Variants in GALNTL6 observed in about 807,000 individuals in gnomAD.
GALNTL6 encodes polypeptide N-acetylgalactosaminyltransferase-like 6.
A neutral mutation model predicts 73.7 loss-of-function variants in GALNTL6; 46 were observed. That is an observed-to-expected ratio of 0.62 (90% confidence interval 0.49 to 0.80). The LOEUF (loss-of-function observed/expected upper bound fraction) is 0.80. Ranked by LOEUF, GALNTL6 falls within the 30% of genes least tolerant of loss-of-function variation. GALNTL6 has a pLI of 0.00. For synonymous variants in GALNTL6, 259 were observed against 263.7 expected, an observed-to-expected ratio of 0.98 and a Z score of 0.17; for missense variants, 604 against 755.0, an observed-to-expected ratio of 0.80 and a Z score of 2.34.
At chr4:171,919,059 T>G (rs1167418271) in intron 2 of GALNTL6, among the ~76,000 whole-genome samples, 1 of 152,222 alleles carries the variant, frequency 6.6e-6, no homozygotes. Context: ...AAGCTCTAGA[T>G]GTCTGGTGTA....
intron 3 of GALNTL6, among the ~76,000 whole-genome samples, chr4:172,267,215 A>G (rs1052702708): frequency 7.9e-5 from 12 of 152,274 alleles, no homozygotes; most frequent in Admixed American, 6.6e-4. Flanking sequence ...TACAAATGCT[A>G]TAACAGAGCT....
rs571933931 is a variant in GALNTL6 at position 172,555,459 on chromosome 4, G to A, written c.553+206770G>A. 6.6e-5 allele frequency among the ~76,000 whole-genome samples: 10 copies of A among 152,108 alleles called. No homozygotes were observed. The South Asian group carries it at 1.9e-3, about 28-fold the overall frequency. Reference sequence around the variant, plus strand: ...TTGTTATCTCAATTCTACAAATGAAGTAACTGAGGTACAGAAACAGGGACA... The same window carrying A: ...TTGTTATCTCAATTCTACAAATGAAATAACTGAGGTACAGAAACAGGGACA... On this transcript the variant is annotated intron_variant, in intron 5 of 12. Transcript: ENST00000506823.
intron 8 of GALNTL6, among the ~76,000 whole-genome samples, chr4:172,921,793 C>CA (rs370693087): frequency 0.023 from 1,352 of 58,192 alleles, 7 homozygotes; most frequent in Middle Eastern, 0.07. Context: ...GACCTTGTCT[C>CA]AAAAAAAAAA....
At chr4:171,968,163 C>T (rs1451952161) in intron 2 of GALNTL6, among the ~76,000 whole-genome samples, 6 of 151,676 alleles carry the variant, frequency 4.0e-5, no homozygotes, top group Non-Finnish European at 8.8e-5. Context: ...TTTTTAATGC[C>T]GGAATGCCCC....
chr4:172,583,592 C>CA (rs1467133609), intron 5 of GALNTL6, among the ~76,000 whole-genome samples: 3 of 152,056 alleles, frequency 2.0e-5, no homozygotes, highest in Non-Finnish European at 4.4e-5. Flanking sequence ...CTGTACTGAA[C>CA]AGTGTAAGTT....
chr4:172,563,064 C>T (rs1018499478), intron 5 of GALNTL6, among the ~76,000 whole-genome samples: 2 of 152,128 alleles, frequency 1.3e-5, no homozygotes, highest in Admixed American at 6.5e-5. Context: ...CTGAGCTTTC[C>T]GTGATCCTAC....
intron 2 of GALNTL6, among the ~76,000 whole-genome samples, chr4:172,217,916 A>C (rs1736546240): frequency 6.6e-6 from 1 of 152,014 alleles, no homozygotes; most frequent in Admixed American, 6.6e-5. Context: ...GGTGTCAAAA[A>C]CTGAGTTCTA....
chr4:172,455,171 C>G (rs1392310279), intron 5 of GALNTL6, among the ~76,000 whole-genome samples: 2 of 152,184 alleles, frequency 1.3e-5, no homozygotes, highest in Non-Finnish European at 2.9e-5. Flanking sequence ...GAACAGTGCA[C>G]TTTGGCCCAG....
At chr4:171,970,070 C>T (rs928775558) in intron 2 of GALNTL6, among the ~76,000 whole-genome samples, 2 of 152,124 alleles carry the variant, frequency 1.3e-5, no homozygotes, top group African/African-American at 4.8e-5. Flanking sequence ...TGCATCAGGC[C>T]CAAACCACCT....
intron 2 of GALNTL6, among the ~76,000 whole-genome samples, chr4:172,168,830 T>C (rs760136776): frequency 1.3e-4 from 20 of 152,192 alleles, no homozygotes; most frequent in Non-Finnish European, 2.6e-4. Flanking sequence ...TGCCTACAAA[T>C]ATTTTCGATG....
At chr4:172,870,134 C>T (rs1744852933) in intron 7 of GALNTL6, among the ~76,000 whole-genome samples, 1 of 152,060 alleles carries the variant, frequency 6.6e-6, no homozygotes. Context: ...GTACCCCTAA[C>T]TATTTTCCCT....
At chr4:173,022,853 C>T (rs1188400232) in intron 12 of GALNTL6, among the ~76,000 whole-genome samples, 2 of 152,048 alleles carry the variant, frequency 1.3e-5, no homozygotes, top group African/African-American at 4.8e-5. Flanking sequence ...TTATTGTTTC[C>T]TTTTGACAAC....
intron 12 of GALNTL6, among the ~76,000 whole-genome samples, chr4:173,031,144 A>G (rs926775890): frequency 1.3e-5 from 2 of 152,138 alleles, no homozygotes; most frequent in African/African-American, 4.8e-5. Flanking sequence ...CTGTTTCTTC[A>G]TTTATAAAAT....
chr4:171,963,220 T>C (rs186721), intron 2 of GALNTL6, among the ~76,000 whole-genome samples: 149,149 of 152,208 alleles, frequency 0.98, 73,153 homozygotes, highest in Middle Eastern at 1. Flanking sequence ...TCATTTTATT[T>C]GTGCCATTAA....
intron 3 of GALNTL6, among the ~76,000 whole-genome samples, chr4:172,286,138 C>G (rs184018125): frequency 6.6e-6 from 1 of 152,040 alleles, no homozygotes; most frequent in African/African-American, 2.4e-5. Context: ...GATTATTGTA[C>G]GTAGTATTAT....
intron 5 of GALNTL6, among the ~76,000 whole-genome samples, chr4:172,742,478 C>T (rs1736863116): frequency 6.6e-6 from 1 of 150,542 alleles, no homozygotes; most frequent in South Asian, 2.1e-4. Context: ...CTGTTTCATA[C>T]TGAACACAAT....
chr4:172,837,883 T>TA (rs1447465215), intron 7 of GALNTL6, among the ~76,000 whole-genome samples: 1 of 152,208 alleles, frequency 6.6e-6, no homozygotes, highest in Non-Finnish European at 1.5e-5. Flanking sequence ...TGAGTATATT[T>TA]ATCCTCTGTA....
chr4:171,946,370 A>G (rs1013632930), intron 2 of GALNTL6, among the ~76,000 whole-genome samples: 3 of 152,300 alleles, frequency 2.0e-5, no homozygotes, highest in South Asian at 2.1e-4. Context: ...CTGTGACAAT[A>G]TTGTCTAGTT....
chr4:171,949,000 C>A (rs1394461058), intron 2 of GALNTL6, among the ~76,000 whole-genome samples: 1 of 151,992 alleles, frequency 6.6e-6, no homozygotes, highest in Non-Finnish European at 1.5e-5. Flanking sequence ...CATACACACA[C>A]ACTCACTGAG....
Sources: gnomAD v4.1 joint callset for allele counts (sites outside exome capture counted in the v4.1 genomes callset) on GRCh38, gnomAD v4.1.1 for gene constraint, MANE v1.5 for transcripts, NCBI Gene and HGNC (gene_info 2026-07-23, HGNC 2026-07-21) for gene names.